The following CPD variants were observed in gnomAD, a reference collection of about 807,000 sequenced individuals.
The protein encoded by CPD is metallocarboxypeptidase D.
Under a neutral mutation model 138.3 loss-of-function variants are expected in CPD, and 69 were observed. The ratio of observed to expected loss-of-function variants is 0.50; its 90% CI spans 0.41 to 0.61. The LOEUF (loss-of-function observed/expected upper bound fraction) is 0.61. Ranked by LOEUF, CPD falls within the 20% of genes least tolerant of loss-of-function variation. The pLI is 0.00. For missense variants in CPD, 1,432 were observed against 1,733.3 expected (o/e 0.83, Z 3.09); for synonymous variants, 651 against 642.1 (o/e 1.01, Z -0.21).
In CPD at chr17:30,434,966, C is replaced by T. The variant is rs7207682; in HGVS notation, c.2127+3085C>T. ...TAGGAAATGAAACTTCACATATAGA[C>T]ACTAAGGAGACCCTACCATTAGCAA... On this transcript the variant is annotated intron_variant, in intron 8 of 20. Coordinates refer to ENST00000225719, the MANE Select transcript of CPD (RefSeq NM_001304.5). Among the ~76,000 whole-genome samples the T allele has an allele frequency of 4.7e-3, 717 of 152,126 alleles. 5 individuals are homozygous for T. Among genetic ancestry groups the T allele is most frequent in the Middle Eastern group, 0.02 (6 of 294 alleles).
rs928400032 is a variant in CPD at position 30,446,022 on chromosome 17, T to G, written c.2873+2T>G. On this transcript the variant is annotated splice_donor_variant, in intron 12 of 20. Transcript: ENST00000225719. LOFTEE classifies it high-confidence loss of function. ...TCCACATATTACAAATCTTACCAAG[T>G]AAGTGTCACTTTCTATTGTCTTTTT... 1.9e-6 allele frequency: 3 copies of G among 1,568,786 alleles called. No individual in the cohort carries two copies. Among genetic ancestry groups the G allele is most frequent in the Non-Finnish European group, 2.6e-6 (3 of 1,157,940 alleles).
chr17:30,444,301 A>T (rs1912965427), intron 11 of CPD, among the ~76,000 whole-genome samples: 1 of 152,104 alleles, frequency 6.6e-6, no homozygotes, highest in African/African-American at 2.4e-5. Flanking sequence ...TTAAAAGGAG[A>T]GTTAGGCTGA....
At chr17:30,462,970 G>A (rs1017083359) in intron 20 of CPD, among the ~76,000 whole-genome samples, 1 of 152,236 alleles carries the variant, frequency 6.6e-6, no homozygotes, top group African/African-American at 2.4e-5. Context: ...ATTGTTTGTG[G>A]TTTAAGAACG....
At chr17:30,431,930 T>G (rs200404700) in intron 8 of CPD, 49 bp downstream of exon 8, 2 of 1,286,448 alleles carry the variant, frequency 1.6e-6, no homozygotes, top group African/African-American at 1.5e-5. Flanking sequence ...TTCTTTTATT[T>G]AAAAATATGC....
intron 2 of CPD, among the ~76,000 whole-genome samples, chr17:30,403,197 G>A (rs936884005): frequency 3.9e-5 from 6 of 152,094 alleles, no homozygotes; most frequent in East Asian, 3.8e-4. Context: ...GTTTTGACTC[G>A]CCTTATGTAA....
At chr17:30,456,116 G>C (rs887431491) in intron 15 of CPD, 140 bp from the exon 16 acceptor site, 16 of 626,452 alleles carry the variant, frequency 2.6e-5, no homozygotes. Flanking sequence ...AACCTTTTAG[G>C]GTTAATTATA....
rs1035133094 is a variant in CPD at position 30,469,067 on chromosome 17, C to T, written c.*4253C>T. 6.6e-6 allele frequency: 1 copy of T among 152,114 alleles called. No homozygotes were observed. Among genetic ancestry groups the T allele is most frequent in the African/African-American group, 2.4e-5 (1 of 41,440 alleles). 9.4% of individuals were successfully genotyped at this position (152,114 alleles called of 1,614,324 possible). On this transcript the variant is annotated 3_prime_UTR_variant, in exon 21 of 21. Transcript: ENST00000225719. Reference sequence around the variant, plus strand: ...GCCCAGTTAGAATAATGTGTCCCGGCACTTTTAGGCACAGCAAGGATGAAT... The same window carrying T: ...GCCCAGTTAGAATAATGTGTCCCGGTACTTTTAGGCACAGCAAGGATGAAT...
intron 2 of CPD, among the ~76,000 whole-genome samples, chr17:30,391,986 A>G (rs1911368271): frequency 6.6e-6 from 1 of 150,936 alleles, no homozygotes; most frequent in South Asian, 2.1e-4. Context: ...ATAAATACAT[A>G]GTTATTTGAT....
chr17:30,426,428 G>C (rs1055533658), intron 6 of CPD, among the ~76,000 whole-genome samples: 1 of 152,176 alleles, frequency 6.6e-6, no homozygotes, highest in Non-Finnish European at 1.5e-5. Context: ...TGGGTTGATT[G>C]GTTGGGGATG....
chr17:30,411,434 A>T lies in CPD; in HGVS notation c.995-9407A>T, dbSNP rs188375463. On this transcript the variant is annotated intron_variant, in intron 2 of 20. Coordinates refer to ENST00000225719, the MANE Select transcript of CPD (RefSeq NM_001304.5). The stretch of plus-strand genomic sequence containing the variant: ...TGCTAGGTTGGAGAAGTTCTCCTGG[A>T]TAATATCCTGAAGAGTGTTTTCTAA... Among the ~76,000 whole-genome samples the T allele has an allele frequency of 2.8e-3, 430 of 152,246 alleles. 3 individuals are homozygous for T. The highest frequency in any genetic ancestry group is 2.0e-3 in the Non-Finnish European group (135 of 68,014).
chr17:30,379,553 C>T lies in CPD; in HGVS notation c.573C>T (p.Arg191=). The T allele has an allele frequency of 5.2e-6, 8 of 1,548,144 alleles. No homozygotes were observed. The highest frequency in any genetic ancestry group is 6.9e-6 in the Non-Finnish European group (8 of 1,156,550). The change falls in exon 1 of 21, where the codon CGC becomes CGT. Residue 191 remains arginine, a synonymous_variant. Transcript: ENST00000225719. This position sits in a 1 kb window ranked among gnomAD's most constrained non-coding sequence, Gnocchi z 7.0. ...SLNPDGFERA[R]EGDCGFGDGG... ...ACCCCGATGGCTTCGAGCGTGCCCG[C>T]GAGGGCGACTGTGGCTTCGGCGACG...
chr17:30,409,370 C>T (rs1911897321), intron 2 of CPD, among the ~76,000 whole-genome samples: 1 of 152,104 alleles, frequency 6.6e-6, no homozygotes, highest in South Asian at 2.1e-4. Flanking sequence ...ATGCTGGCCT[C>T]ATAAAATGAG....
At position 30,422,655 on chromosome 17, in the gene CPD, T is replaced by C. The variant is rs1912296472; in HGVS notation, c.1308-19T>C. 6 of 1,548,610 alleles carry C rather than the reference T, an allele frequency of 3.9e-6. No homozygotes were observed. The South Asian group carries it at 6.0e-5, about 16-fold the overall frequency. Reference sequence around the variant, plus strand: ...TGTCTTAACTATAAACCATTTACTTTTTCAAATTTTTTTTTCAGGTATATG... The same window carrying C: ...TGTCTTAACTATAAACCATTTACTTCTTCAAATTTTTTTTTCAGGTATATG... On this transcript the variant is annotated intron_variant, in intron 4 of 20. Coordinates refer to ENST00000225719, the MANE Select transcript of CPD (RefSeq NM_001304.5).
chr17:30,414,900 G>A (rs1403193215), intron 2 of CPD, among the ~76,000 whole-genome samples: 2 of 152,196 alleles, frequency 1.3e-5, no homozygotes, highest in African/African-American at 4.8e-5. Context: ...ATTTTGAATA[G>A]GCAGTTGGAT....
At chr17:30,402,449 C>T (rs2321889) in intron 2 of CPD, among the ~76,000 whole-genome samples, 55,588 of 151,882 alleles carry the variant, frequency 0.37, 12,661 homozygotes, top group East Asian at 0.82. Context: ...GCCTGTAATC[C>T]CAGCTACTCA....
At position 30,400,652 on chromosome 17, in the gene CPD, C is replaced by CTTTTTTTTTTTT. The variant is rs34301387; in HGVS notation, c.994+15429_994+15440dup. On this transcript the variant is annotated intron_variant, in intron 2 of 20. Transcript: ENST00000225719. ...TGAGAATGTGTATTTTGCCATCATT[C>CTTTTTTTTTTTT]TTTTTTTTTTTTTTTTTTTTTTTTG... 8.0e-4 allele frequency among the ~76,000 whole-genome samples: 46 copies of CTTTTTTTTTTTT among 57,588 alleles called. 13 individuals are homozygous for CTTTTTTTTTTTT. The highest frequency in any genetic ancestry group is 2.7e-3 in the African/African-American group (35 of 12,856). The allele number at this position is 57,588 out of a possible 152,430, so 37.8% of individuals were successfully genotyped here. A position where few individuals can be genotyped will look rare whatever the true frequency, so the allele number is the denominator to read the frequency against.
intron 8 of CPD, among the ~76,000 whole-genome samples, chr17:30,437,923 A>G (rs1453341772): frequency 1.3e-5 from 2 of 149,148 alleles, no homozygotes; most frequent in Non-Finnish European, 1.5e-5. Flanking sequence ...TGCAGCCTCA[A>G]CCTCCTGGGG....
intron 2 of CPD, among the ~76,000 whole-genome samples, chr17:30,394,712 C>G (rs1425144713): frequency 6.6e-6 from 1 of 152,012 alleles, no homozygotes; most frequent in Non-Finnish European, 1.5e-5. Flanking sequence ...GTATAAGATA[C>G]ATATATAAGA....
At chr17:30,398,204 GTAGAATAGAACAGAATAA>G (rs1911559602) in intron 2 of CPD, among the ~76,000 whole-genome samples, 1 of 145,352 alleles carries the variant, frequency 6.9e-6, no homozygotes, top group Non-Finnish European at 1.5e-5. Context: ...GAGACTAATA[GTAGAATAGAACAGAATAA>G]TAGAATAGAA....
Sources: allele counts gnomAD v4.1 joint callset (sites outside exome capture counted in the v4.1 genomes callset), GRCh38; gene constraint gnomAD v4.1.1; non-coding constraint Gnocchi (gnomAD v3.1); transcripts MANE v1.5; gene names NCBI Gene and HGNC (gene_info 2026-07-23, HGNC 2026-07-21).